Variants in MAGI1 observed in about 807,000 individuals in gnomAD.
MAGI1 encodes membrane-associated guanylate kinase, WW and PDZ domain-containing protein 1.
In MAGI1, 58 loss-of-function variants were observed where a neutral mutation model predicts 139.9. That is an observed-to-expected ratio of 0.41 (90% CI 0.34 to 0.52). The LOEUF (loss-of-function observed/expected upper bound fraction) is 0.52, where lower values mean the gene tolerates loss of function less well. MAGI1 is among the 20% of genes least tolerant of loss of function. MAGI1 has a pLI of 0.12. For missense variants in MAGI1, 1,874 were observed against 1,901.6 expected (o/e 0.99, Z 0.27); for synonymous variants, 812 against 737.9 (o/e 1.10, Z -1.63).
At chr3:65,898,844 T>C (rs897771719) in intron 1 of MAGI1, among the ~76,000 whole-genome samples, 2 of 152,236 alleles carry the variant, frequency 1.3e-5, no homozygotes, top group Admixed American at 1.3e-4. Flanking sequence ...TTTCAAAATA[T>C]CATATGTACC....
intron 1 of MAGI1, among the ~76,000 whole-genome samples, chr3:65,862,714 G>A (rs6784974): frequency 0.11 from 17,325 of 152,166 alleles, 1,881 homozygotes; most frequent in East Asian, 0.32. Flanking sequence ...GTGCATAGTG[G>A]CATGGAAACC....
intron 1 of MAGI1, among the ~76,000 whole-genome samples, chr3:65,859,950 C>A (rs927055562): frequency 6.6e-6 from 1 of 151,072 alleles, no homozygotes; most frequent in Non-Finnish European, 1.5e-5. Context: ...TTGCCCAGGG[C>A]AATGGCGCGA....
intron 1 of MAGI1, among the ~76,000 whole-genome samples, chr3:65,911,951 A>C (rs2061687008): frequency 6.6e-6 from 1 of 152,238 alleles, no homozygotes; most frequent in Admixed American, 6.5e-5. Flanking sequence ...CAAAGAGATT[A>C]ACTTGCCCAA....
At chr3:65,401,586 T>A in intron 12 of MAGI1, 116 bp from the exon 13 acceptor site, 1 of 1,552,764 alleles carries the variant, frequency 6.4e-7, no homozygotes, top group Non-Finnish European at 8.7e-7. Context: ...ATCTGCAGAG[T>A]TATGTCAGAT....
In MAGI1 at chr3:66,024,820, C is replaced by T. The variant is rs143549740; in HGVS notation, c.313+13176G>A. ...AGACTCCGTTTCCAAAACAAACAAACAAACAAAAAACTACTCAGTTTCTGA... is the reference window on the plus strand; with the variant it reads ...AGACTCCGTTTCCAAAACAAACAAATAAACAAAAAACTACTCAGTTTCTGA... On this transcript the variant is annotated intron_variant, in intron 1 of 22. Transcript: ENST00000402939. Among the ~76,000 whole-genome samples the T allele has an allele frequency of 5.1e-3, 771 of 152,054 alleles. 8 individuals are homozygous for T. The highest frequency in any genetic ancestry group is 0.017 in the African/African-American group (718 of 41,520).
chr3:65,433,584 T>C (rs78430356), intron 10 of MAGI1, among the ~76,000 whole-genome samples: 3,063 of 152,264 alleles, frequency 0.02, 63 homozygotes, highest in Non-Finnish European at 0.023. Flanking sequence ...CTGTGGTACA[T>C]GTAATTTTCT....
chr3:65,595,011 A>G (rs2082120541), intron 2 of MAGI1, among the ~76,000 whole-genome samples: 1 of 152,194 alleles, frequency 6.6e-6, no homozygotes, highest in South Asian at 2.1e-4. Context: ...GCTTTATATT[A>G]CGCAGCACAG....
At chr3:65,940,672 C>A (rs2063270379) in intron 1 of MAGI1, among the ~76,000 whole-genome samples, 1 of 152,188 alleles carries the variant, frequency 6.6e-6, no homozygotes, top group Admixed American at 6.5e-5. Context: ...TACTTTTCTA[C>A]TGAGATTGTT....
intron 1 of MAGI1, among the ~76,000 whole-genome samples, chr3:65,685,665 T>A (rs754188393): frequency 4.6e-5 from 7 of 152,200 alleles, no homozygotes; most frequent in Non-Finnish European, 1.0e-4. Context: ...TCACCCTACA[T>A]ATTGCTATTT....
chr3:65,805,596 C>A (rs2040802030), intron 1 of MAGI1, among the ~76,000 whole-genome samples: 4 of 151,980 alleles, frequency 2.6e-5, no homozygotes, highest in Admixed American at 2.6e-4. Context: ...GGGTATATAC[C>A]CAGAGGAATA....
chr3:65,953,233 T>C (rs769974358), intron 1 of MAGI1, among the ~76,000 whole-genome samples: 1 of 152,144 alleles, frequency 6.6e-6, no homozygotes, highest in Admixed American at 6.5e-5. Context: ...AAATTAAAAC[T>C]AGATAAGTAA....
chr3:65,411,568 G>A (rs1042167942), intron 12 of MAGI1, among the ~76,000 whole-genome samples: 4 of 152,100 alleles, frequency 2.6e-5, no homozygotes, highest in African/African-American at 7.2e-5. Context: ...TTTCTGGGTT[G>A]GAAAAACAGG....
chr3:65,769,496 T>A (rs1221743377), intron 1 of MAGI1, among the ~76,000 whole-genome samples: 1 of 151,954 alleles, frequency 6.6e-6, no homozygotes, highest in Non-Finnish European at 1.5e-5. Flanking sequence ...GAAAAAAATA[T>A]AAAATAAATA....
chr3:65,557,726 C>T (rs1017409073), intron 2 of MAGI1, among the ~76,000 whole-genome samples: 3 of 152,126 alleles, frequency 2.0e-5, no homozygotes, highest in African/African-American at 7.2e-5. Context: ...AATCTTACCA[C>T]AGTATTTCCA....
At chr3:65,762,038 G>A (rs1048619968) in intron 1 of MAGI1, among the ~76,000 whole-genome samples, 1 of 152,104 alleles carries the variant, frequency 6.6e-6, no homozygotes, top group South Asian at 2.1e-4. Context: ...AAGTTTTCAG[G>A]AGGTCAGCAG....
chr3:65,527,088 T>C (rs1008794322), intron 2 of MAGI1, among the ~76,000 whole-genome samples: 1 of 152,248 alleles, frequency 6.6e-6, no homozygotes, highest in African/African-American at 2.4e-5. Context: ...TTGTCTTGAC[T>C]TCTCAAACAG....
At chr3:65,744,729 A>C (rs1384113979) in intron 1 of MAGI1, among the ~76,000 whole-genome samples, 1 of 152,014 alleles carries the variant, frequency 6.6e-6, no homozygotes, top group Non-Finnish European at 1.5e-5. Flanking sequence ...AAAAGATGCG[A>C]AAGTATTAAC....
rs10574443 is a variant in MAGI1, at chr3:65,882,934, CAAAAAAAAAAAA to C, written c.313+155050_313+155061del. Among the ~76,000 whole-genome samples the C allele has an allele frequency of 3.4e-5, 3 of 87,042 alleles. No homozygotes were observed. The East Asian group carries it at 1.3e-3, about 37-fold the overall frequency. 57.1% of individuals were successfully genotyped at this position (87,042 alleles called of 152,430 possible). ...TGGGCAACAGAGCAAGACCCTGTCT[CAAAAAAAAAAAA>C]AAAAAGGAAAAAAGAAAGGAAAGAA... On this transcript the variant is annotated intron_variant, in intron 1 of 22. Coordinates refer to ENST00000402939, the MANE Select transcript of MAGI1 (RefSeq NM_001033057.2).
At chr3:65,717,777 C>T (rs2032454182) in intron 1 of MAGI1, among the ~76,000 whole-genome samples, 2 of 152,192 alleles carry the variant, frequency 1.3e-5, no homozygotes, top group South Asian at 4.1e-4. Context: ...GCTTAGACCA[C>T]CCTCTGAATC....
Sources: allele counts gnomAD v4.1 joint callset (sites outside exome capture counted in the v4.1 genomes callset), GRCh38; gene constraint gnomAD v4.1.1; transcripts MANE v1.5; gene names NCBI Gene and HGNC (gene_info 2026-07-23, HGNC 2026-07-21).